NUP205: variants seen among roughly 807,000 people sequenced by gnomAD.
NUP205 encodes the protein nucleoporin 205, also known as nuclear pore complex protein Nup205.
A neutral mutation model predicts 253.8 loss-of-function variants in NUP205; 76 were observed. The observed-to-expected ratio is 0.30, with a 90% CI of 0.25 to 0.36. The LOEUF (loss-of-function observed/expected upper bound fraction) is 0.36. Ranked by LOEUF, NUP205 falls within the 10% of genes least tolerant of loss-of-function variation. NUP205 has a pLI of 1.00. For missense variants in NUP205, 2,162 were observed against 2,425.5 expected, an observed-to-expected ratio of 0.89 and a Z score of 2.28; for synonymous variants, 832 against 850.1, an observed-to-expected ratio of 0.98 and a Z score of 0.37.
Position 135,594,570 on chromosome 7 carries a change from C to T in NUP205, c.1854C>T (p.Leu618=). 7 of 1,606,376 alleles carry T rather than the reference C, an allele frequency of 4.4e-6. No homozygotes were observed. Among genetic ancestry groups the T allele is most frequent in the Non-Finnish European group, 5.9e-6 (7 of 1,177,398 alleles). The change falls in exon 13 of 43, where the codon CTC becomes CTT. Residue 618 remains leucine (L), a synonymous_variant. Transcript: ENST00000285968. ...ITWSENARLA[L]CEHPQWTPVV... Reference sequence around the variant, plus strand: ...AGAGTGAAAATGCTCGCTTGGCACTCTGTGAACACCCTCAGTGGACCCCTG... The same window carrying T: ...AGAGTGAAAATGCTCGCTTGGCACTTTGTGAACACCCTCAGTGGACCCCTG...
chr7:135,589,152 A>G (rs1381148433), intron 10 of NUP205, among the ~76,000 whole-genome samples: 2 of 149,764 alleles, frequency 1.3e-5, no homozygotes, highest in East Asian at 3.9e-4. Context: ...CCTAGGCAAC[A>G]GAGTGAGACC....
At chr7:135,566,749 G>GT (rs202213571) in intron 1 of NUP205, among the ~76,000 whole-genome samples, 1,782 of 151,738 alleles carry the variant, frequency 0.012, 13 homozygotes, top group Middle Eastern at 0.041. Flanking sequence ...GTTTTGTTTT[G>GT]TTTTTTGAGA....
intron 5 of NUP205, 98 bp from the exon 6 acceptor site, chr7:135,577,698 T>G: frequency 3.5e-6 from 3 of 860,378 alleles, no homozygotes; most frequent in Non-Finnish European, 5.4e-6. Context: ...TTTTGATAGG[T>G]TTTTTTATTA....
chr7:135,611,745 A>G (rs1794244612), intron 22 of NUP205, among the ~76,000 whole-genome samples: 1 of 152,128 alleles, frequency 6.6e-6, no homozygotes, highest in African/African-American at 2.4e-5. Flanking sequence ...AGGCTGAGGC[A>G]GGAGAATCGC....
At position 135,577,995 on chromosome 7, in the gene NUP205, T is replaced by G. The variant is rs1806197441; in HGVS notation, c.848T>G (p.Phe283Cys). 6.2e-7 allele frequency: 1 copy of G among 1,613,722 alleles called. No individual in the cohort carries two copies. Reference protein sequence around the residue: ...MALLYCFDISFIEQSTEERDD... With the variant: ...MALLYCFDISCIEQSTEERDD... ...CTTCTATACTGTTTTGATATCAGTT[T>G]TATAGAGCAAAGCACAGAGGAACGA... The change falls in exon 6 of 43, where the codon TTT (phenylalanine) becomes TGT (cysteine). Residue 283 changes from phenylalanine to cysteine, a missense_variant. Phe to Cys is a radical substitution (Grantham distance 205). This residue lies in a region of NUP205 where 892 missense variants were observed against 957.1 expected (regional missense o/e 0.93). Transcript: ENST00000285968.
chr7:135,576,518 A>G lies in NUP205; in HGVS notation c.488+104A>G. On this transcript the variant is annotated intron_variant, in intron 4 of 42. Coordinates refer to ENST00000285968, the MANE Select transcript of NUP205 (RefSeq NM_015135.3). ...TCTGAGCAATATGTAACATAAGCTGAGTAATATACTCCCTTATTCTGCCAA... is the reference window on the plus strand; with the variant it reads ...TCTGAGCAATATGTAACATAAGCTGGGTAATATACTCCCTTATTCTGCCAA... 1.0e-5 allele frequency: 9 copies of G among 898,032 alleles called. No homozygotes were observed. The South Asian group carries it at 1.5e-4, about 15-fold the overall frequency. 55.6% of individuals were successfully genotyped at this position (898,032 alleles called of 1,614,324 possible).
chr7:135,633,556 A>G (rs1380009137), intron 35 of NUP205, among the ~76,000 whole-genome samples: 1 of 152,134 alleles, frequency 6.6e-6, no homozygotes, highest in Non-Finnish European at 1.5e-5. Flanking sequence ...ATATTTACAT[A>G]TGCATTCATG....
Position 135,648,620 on chromosome 7 carries a change from A to G in NUP205, c.*64A>G. 7.9e-7 allele frequency: 1 copy of G among 1,271,398 alleles called. No homozygotes were observed. Among genetic ancestry groups the G allele is most frequent in the Non-Finnish European group, 1.0e-6 (1 of 970,570 alleles). 78.8% of individuals were successfully genotyped at this position (1,271,398 alleles called of 1,614,324 possible). Reference sequence around the variant, plus strand: ...GGGGAGAATTGTCTCCATTTTATAGATTAGTTTCTTTCTAAATTATGACCA... The same window carrying G: ...GGGGAGAATTGTCTCCATTTTATAGGTTAGTTTCTTTCTAAATTATGACCA... On this transcript the variant is annotated 3_prime_UTR_variant, in exon 43 of 43. Coordinates refer to ENST00000285968, the MANE Select transcript of NUP205 (RefSeq NM_015135.3).
At chr7:135,590,721 C>T (rs2129490238) in intron 10 of NUP205, among the ~76,000 whole-genome samples, 1 of 151,806 alleles carries the variant, frequency 6.6e-6, no homozygotes, top group Middle Eastern at 3.2e-3. Flanking sequence ...TTAGTAGAGA[C>T]GGGGTTTCAC....
chr7:135,635,586 T>C lies in NUP205; in HGVS notation c.5065T>C (p.Leu1689=). The change falls in exon 36 of 43, where the codon TTA becomes CTA. Residue 1689 remains leucine (L), a synonymous_variant. Coordinates refer to ENST00000285968, the MANE Select transcript of NUP205 (RefSeq NM_015135.3). ...IISKAALPGI[L]SELDVDVNEG... The stretch of plus-strand genomic sequence containing the variant: ...AAGCATTCTACATTTTATAGGAATA[T>C]TAAGTGAACTTGACGTTGATGTAAA... 2 of 1,552,614 alleles carry C rather than the reference T, an allele frequency of 1.3e-6. No individual in the cohort carries two copies. Among genetic ancestry groups the C allele is most frequent in the Non-Finnish European group, 1.8e-6 (2 of 1,128,406 alleles).
rs534071165 is a variant in NUP205, at chr7:135,561,124, C to T, written c.28+3152C>T. Among the ~76,000 whole-genome samples the T allele has an allele frequency of 7.9e-5, 12 of 152,204 alleles. No individual in the cohort carries two copies. The South Asian group carries it at 2.1e-3, about 26-fold the overall frequency. On this transcript the variant is annotated intron_variant, in intron 1 of 42. Transcript: ENST00000285968. ...CTTTGGGAGGCTGAAGTGGGCAGAT[C>T]ACCTGAAGTCAGGAGTTCGAGACCA...
In NUP205 at chr7:135,648,629, T is replaced by G. The variant is rs1036872047; in HGVS notation, c.*73T>G. The G allele has an allele frequency of 8.1e-7, 1 of 1,229,004 alleles. No individual in the cohort carries two copies. Among genetic ancestry groups the G allele is most frequent in the Non-Finnish European group, 1.1e-6 (1 of 937,384 alleles). The allele number at this position is 1,229,004 out of a possible 1,614,324, so 76.1% of individuals were successfully genotyped here. ...TGTCTCCATTTTATAGATTAGTTTC[T>G]TTCTAAATTATGACCAAAAATATTT... On this transcript the variant is annotated 3_prime_UTR_variant, in exon 43 of 43. Transcript: ENST00000285968.
intron 1 of NUP205, among the ~76,000 whole-genome samples, chr7:135,564,943 A>G (rs1342572353): frequency 6.6e-6 from 1 of 150,384 alleles, no homozygotes; most frequent in Non-Finnish European, 1.5e-5. Flanking sequence ...CTTTTTAAAA[A>G]TTTTTTGTAG....
chr7:135,643,737 ACAAATGGGATAG>A (rs1467290623), intron 39 of NUP205, among the ~76,000 whole-genome samples: 1 of 152,166 alleles, frequency 6.6e-6, no homozygotes, highest in East Asian at 1.9e-4. Context: ...AATCTTTCAA[ACAAATGGGATAG>A]CATATGAGAC....
At chr7:135,578,046 C>A in intron 6 of NUP205, 22 bp downstream of exon 6, 1 of 1,530,014 alleles carries the variant, frequency 6.5e-7, no homozygotes, top group Non-Finnish European at 9.0e-7. Flanking sequence ...TATACATTTT[C>A]CTACATTAAA....
chr7:135,588,442 A>G (rs1806533068), intron 10 of NUP205, among the ~76,000 whole-genome samples: 1 of 151,038 alleles, frequency 6.6e-6, no homozygotes, highest in Non-Finnish European at 1.5e-5. Context: ...TGCCTAGCCT[A>G]CTTTTCTCTT....
chr7:135,563,409 G>C (rs891799366), intron 1 of NUP205, among the ~76,000 whole-genome samples: 8 of 152,134 alleles, frequency 5.3e-5, no homozygotes, highest in Admixed American at 5.2e-4. Context: ...GGACGGTCTT[G>C]ATCTCCTGAC....
In NUP205 at chr7:135,602,887, CCTT is replaced by C; in HGVS notation, c.2598_2600del (p.Leu867del). Reference sequence around the variant, plus strand: ...TGCAAAAGGAAAATCTTTTTATGGACCTTCTAAGAGAGAGTCAACTGGCTCTAA... The same window carrying C: ...TGCAAAAGGAAAATCTTTTTATGGACCTAAGAGAGAGTCAACTGGCTCTAA... On this transcript the variant is annotated inframe_deletion, in exon 18 of 43. Transcript: ENST00000285968. 1.2e-6 allele frequency: 2 copies of C among 1,613,544 alleles called. No individual in the cohort carries two copies. The highest frequency in any genetic ancestry group is 1.7e-6 in the Non-Finnish European group (2 of 1,179,550).
chr7:135,567,156 A>ATGTATATATG (rs1805799497), intron 1 of NUP205, among the ~76,000 whole-genome samples: 1 of 94,118 alleles, frequency 1.1e-5, no homozygotes, highest in Non-Finnish European at 2.2e-5. Context: ...ATATATATAT[A>ATGTATATATG]TATATATATA....
Sources: gnomAD v4.1 joint callset for allele counts (sites outside exome capture counted in the v4.1 genomes callset) on GRCh38, gnomAD v4.1.1 for gene constraint, gnomAD v4.1.1 regional missense constraint, MANE v1.5 for transcripts, NCBI Gene and HGNC (gene_info 2026-07-23, HGNC 2026-07-21) for gene names.